The following SLC26A5 variants were observed in gnomAD, a reference collection of about 807,000 sequenced individuals.
SLC26A5 encodes the protein solute carrier family 26 member 5, also known as prestin.
SLC26A5 carries 51 observed loss-of-function variants against 81.0 expected under a neutral mutation model. That is an observed-to-expected ratio of 0.63 (90% confidence interval 0.50 to 0.80). The LOEUF (loss-of-function observed/expected upper bound fraction) is 0.80. Among genes scored for constraint, SLC26A5 ranks in the 30% least tolerant of loss-of-function variants. The probability of loss-of-function intolerance (pLI) is 0.00; values close to 1 mark genes in which losing one functional copy is unlikely to be tolerated. For missense variants in SLC26A5, 771 were observed against 905.8 expected, an observed-to-expected ratio of 0.85 and a Z score of 1.91; for synonymous variants, 325 against 332.8, an observed-to-expected ratio of 0.98 and a Z score of 0.25.
In SLC26A5 at chr7:103,398,005, C is replaced by G. The variant is rs144199565; in HGVS notation, c.898G>C (p.Gly300Arg). 1 of 1,613,864 alleles carries G rather than the reference C, an allele frequency of 6.2e-7. No individual in the cohort carries two copies. The highest frequency in any genetic ancestry group is 8.5e-7 in the Non-Finnish European group (1 of 1,179,856). The change falls in exon 9 of 20, where the codon GGA (glycine) becomes CGA (arginine). Residue 300 changes from glycine to arginine, a missense_variant. By Grantham distance (125) the Gly-to-Arg change is moderately radical. Transcript: ENST00000306312. ...IPLEFFAVVM[G>R]TGISAGFNLK... Reference sequence around the variant, plus strand: ...TTAAACCCAGCTGAAATGCCAGTTCCCATTACGACCTAAAAAGACACAAAT... The same window carrying G: ...TTAAACCCAGCTGAAATGCCAGTTCGCATTACGACCTAAAAAGACACAAAT...
chr7:103,361,524 A>G (rs1203511612), intron 19 of SLC26A5, among the ~76,000 whole-genome samples: 1 of 151,282 alleles, frequency 6.6e-6, no homozygotes, highest in African/African-American at 2.4e-5. Flanking sequence ...AAAAAAAAAA[A>G]AAAAAAAAAG....
At chr7:103,376,113 T>C (rs1406488378) in intron 19 of SLC26A5, among the ~76,000 whole-genome samples, 2 of 151,794 alleles carry the variant, frequency 1.3e-5, no homozygotes, top group Non-Finnish European at 2.9e-5. Flanking sequence ...TCTCATTCTG[T>C]TGCCCAGGCT....
At chr7:103,403,062 T>A (rs897510359) in intron 8 of SLC26A5, among the ~76,000 whole-genome samples, 7 of 152,224 alleles carry the variant, frequency 4.6e-5, no homozygotes, top group Non-Finnish European at 1.0e-4. Context: ...CCAGAGATTC[T>A]GGTCGTTGTG....
intron 14 of SLC26A5, 122 bp downstream of exon 14, chr7:103,388,886 T>C (rs1367042554): frequency 2.8e-6 from 2 of 723,772 alleles, no homozygotes; most frequent in Non-Finnish European, 5.0e-6. Context: ...TAGCTCCCTC[T>C]CACGCTAACT....
intron 18 of SLC26A5, among the ~76,000 whole-genome samples, chr7:103,377,109 T>C (rs1821409187): frequency 6.6e-6 from 1 of 152,240 alleles, no homozygotes; most frequent in Non-Finnish European, 1.5e-5. Context: ...ACAATAAAAC[T>C]ATTATATTAA....
At chr7:103,437,228 A>G (rs1228380960) in intron 2 of SLC26A5, among the ~76,000 whole-genome samples, 6 of 152,256 alleles carry the variant, frequency 3.9e-5, no homozygotes, top group Non-Finnish European at 5.9e-5. Flanking sequence ...TAAAAACACA[A>G]TGATACATAA....
intron 4 of SLC26A5, 151 bp from the exon 5 acceptor site, chr7:103,413,263 C>T (rs1824652265): frequency 3.0e-6 from 2 of 677,232 alleles, no homozygotes; most frequent in Non-Finnish European, 5.4e-6. Context: ...TGCACATCAT[C>T]TTACCTTGGT....
intron 2 of SLC26A5, among the ~76,000 whole-genome samples, chr7:103,439,982 T>C (rs1039098602): frequency 1.3e-5 from 2 of 152,222 alleles, no homozygotes; most frequent in Non-Finnish European, 2.9e-5. Flanking sequence ...GGGAAGCTTT[T>C]TCTGACCACC....
At chr7:103,427,652 A>G (rs1825795685) in intron 2 of SLC26A5, among the ~76,000 whole-genome samples, 1 of 152,194 alleles carries the variant, frequency 6.6e-6, no homozygotes, top group African/African-American at 2.4e-5. Context: ...CCAATAATGA[A>G]GATTCACTGT....
Position 103,367,024 on chromosome 7 carries a change from C to G in SLC26A5, c.2041+9784G>C, listed in dbSNP as rs1261990245. ...TTCACCATGTTGGCCAGGCTGGTCT[C>G]GAACTCCTGAGGACAAGTTATTTTA... On this transcript the variant is annotated intron_variant, in intron 19 of 19. Transcript: ENST00000339444. This position sits in a 1 kb window ranked among gnomAD's most constrained non-coding sequence, Gnocchi z 6.1. Among the ~76,000 whole-genome samples, 2 of 152,058 alleles carry G rather than the reference C, an allele frequency of 1.3e-5. No individual in the cohort carries two copies. The highest frequency in any genetic ancestry group is 2.9e-5 in the Non-Finnish European group (2 of 68,012).
intron 2 of SLC26A5, among the ~76,000 whole-genome samples, chr7:103,439,305 C>T (rs1826694990): frequency 6.6e-6 from 1 of 152,142 alleles, no homozygotes; most frequent in South Asian, 2.1e-4. Context: ...GGAGGTATAA[C>T]AAGGAAGAAA....
chr7:103,355,530 C>T (rs2116159808), intron 19 of SLC26A5, among the ~76,000 whole-genome samples: 1 of 149,416 alleles, frequency 6.7e-6, no homozygotes, highest in Middle Eastern at 3.4e-3. Flanking sequence ...CTGCTGGCGT[C>T]TAGTGGTGAG....
intron 2 of SLC26A5, among the ~76,000 whole-genome samples, chr7:103,438,389 C>CTTT (rs979524403): frequency 3.5e-5 from 5 of 142,990 alleles, no homozygotes; most frequent in African/African-American, 1.0e-4. Context: ...GATTTCTTTT[C>CTTT]TTTTTTTTTT....
intron 4 of SLC26A5, 116 bp from the exon 5 acceptor site, chr7:103,413,228 G>C: frequency 2.7e-6 from 2 of 732,146 alleles, no homozygotes; most frequent in Non-Finnish European, 4.9e-6. Context: ...CTTAATTTAA[G>C]CTGCAACCTG....
intron 1 of SLC26A5, chr7:103,445,132 ATGT>A (rs1827187391): frequency 6.6e-6 from 1 of 152,202 alleles, no homozygotes; most frequent in African/African-American, 2.4e-5. Context: ...GTCTCCATGA[ATGT>A]TGTTTAAATT....
intron 10 of SLC26A5, 25 bp downstream of exon 10, chr7:103,392,892 CAT>C (rs757940144): frequency 4.1e-5 from 66 of 1,613,654 alleles, no homozygotes; most frequent in Non-Finnish European, 4.9e-5. Context: ...TGCTATGAAA[CAT>C]GTGCAGGAAA....
At chr7:103,399,397 G>C (rs1485215991) in intron 8 of SLC26A5, among the ~76,000 whole-genome samples, 1 of 152,192 alleles carries the variant, frequency 6.6e-6, no homozygotes, top group African/African-American at 2.4e-5. Flanking sequence ...GAAACTGTTA[G>C]AGATACATTT....
chr7:103,412,851 G>T (rs7780218), intron 5 of SLC26A5, 151 bp downstream of exon 5: 4 of 646,320 alleles, frequency 6.2e-6, no homozygotes, highest in South Asian at 5.0e-5. Context: ...GCACCTGGCC[G>T]AGTGTAGGTT....
chr7:103,380,758 A>G (rs1426107042), intron 14 of SLC26A5, among the ~76,000 whole-genome samples: 2 of 151,764 alleles, frequency 1.3e-5, no homozygotes, highest in African/African-American at 4.9e-5. Flanking sequence ...CATGCCACAT[A>G]CACATCACAT....
Sources: gnomAD v4.1 joint callset for allele counts (sites outside exome capture counted in the v4.1 genomes callset) on GRCh38, gnomAD v4.1.1 for gene constraint, Gnocchi (gnomAD v3.1) non-coding constraint, MANE v1.5 for transcripts, NCBI Gene and HGNC (gene_info 2026-07-23, HGNC 2026-07-21) for gene names.